CUBN: variants seen among roughly 807,000 people sequenced by gnomAD.
CUBN encodes the protein 460 kDa receptor.
In CUBN, 282 loss-of-function variants were observed where a neutral mutation model predicts 405.3. The observed-to-expected ratio is 0.70, with a 90% CI of 0.63 to 0.77. CUBN has a LOEUF of 0.77. Among genes scored for constraint, CUBN ranks in the 30% least tolerant of loss-of-function variants. The pLI, the probability that CUBN is intolerant of heterozygous loss-of-function variation, is 0.00. For synonymous variants in CUBN, 1,684 were observed against 1,617.0 expected, an observed-to-expected ratio of 1.04 and a Z score of -0.99; for missense variants, 4,514 against 4,475.2, an observed-to-expected ratio of 1.01 and a Z score of -0.25.
chr10:17,065,938 T>C (rs989582213), intron 21 of CUBN, among the ~76,000 whole-genome samples: 1 of 152,148 alleles, frequency 6.6e-6, no homozygotes, highest in Admixed American at 6.6e-5. Flanking sequence ...CACTTTTTAA[T>C]AGAAATGTAA....
chr10:17,048,211 C>A (rs1835183513), intron 22 of CUBN, among the ~76,000 whole-genome samples: 1 of 152,240 alleles, frequency 6.6e-6, no homozygotes, highest in Non-Finnish European at 1.5e-5. Flanking sequence ...AAAGATAATG[C>A]ATTACAAGGG....
rs34953406 is a variant in CUBN, at chr10:17,108,381, A to ATGTG, written c.1111+1255_1111+1258dup. On this transcript the variant is annotated intron_variant, in intron 10 of 66. Transcript: ENST00000377833. ...TTAATAAGCATTTAGTCACAAGTAT[A>ATGTG]TGTGTGTGTGTGTGTGTGTGTGTGT... Among the ~76,000 whole-genome samples the ATGTG allele has an allele frequency of 2.3e-4, 34 of 150,984 alleles. 1 individual carries two copies. The Middle Eastern group carries it at 0.02, about 91-fold the overall frequency.
At chr10:16,895,660 T>C (rs79801018) in intron 54 of CUBN, among the ~76,000 whole-genome samples, 15,778 of 152,204 alleles carry the variant, frequency 0.1, 839 homozygotes, top group Middle Eastern at 0.14. Flanking sequence ...TCTTTTTCTG[T>C]TGTAATTTTC....
intron 60 of CUBN, 25 bp from the exon 61 acceptor site, chr10:16,841,072 T>C (rs1229454792): frequency 1.9e-6 from 3 of 1,612,096 alleles, no homozygotes; most frequent in Non-Finnish European, 2.5e-6. Flanking sequence ...AATTCATTAC[T>C]TCTCCATTAC....
chr10:16,995,086 G>A (rs186101112), intron 28 of CUBN, among the ~76,000 whole-genome samples: 16 of 152,202 alleles, frequency 1.1e-4, no homozygotes, highest in East Asian at 3.9e-4. Flanking sequence ...GCAAGACCCC[G>A]TCTCAAAAAT....
intron 28 of CUBN, among the ~76,000 whole-genome samples, chr10:17,009,709 G>C (rs1300320904): frequency 6.6e-6 from 1 of 152,164 alleles, no homozygotes; most frequent in Non-Finnish European, 1.5e-5. Flanking sequence ...CTGGATATTG[G>C]AACCCAGGCA....
At chr10:16,836,470 G>T in intron 62 of CUBN, 88 bp from the exon 63 acceptor site, 1 of 1,255,284 alleles carries the variant, frequency 8.0e-7, no homozygotes, top group Non-Finnish European at 1.2e-6. Context: ...ATAAAAGCAT[G>T]GTGTAAATAT....
At chr10:17,024,471 G>C (rs982675714) in intron 27 of CUBN, among the ~76,000 whole-genome samples, 1 of 152,076 alleles carries the variant, frequency 6.6e-6, no homozygotes, top group Non-Finnish European at 1.5e-5. Context: ...TTATATATAT[G>C]AGCTTGGGAT....
intron 29 of CUBN, among the ~76,000 whole-genome samples, chr10:16,988,453 T>C (rs1833490723): frequency 1.3e-5 from 2 of 152,222 alleles, no homozygotes; most frequent in Admixed American, 6.5e-5. Context: ...TTTCCAGTTC[T>C]ATCTGATTTC....
chr10:16,891,551 T>G lies in CUBN; in HGVS notation c.8599-1024A>C, dbSNP rs534318106. The stretch of plus-strand genomic sequence containing the variant: ...AGCAAGGAGCCACCAAGAAGATTGG[T>G]TTTTGGAAAACATTACAATTCGGAA... On this transcript the variant is annotated intron_variant, in intron 54 of 66. Transcript: ENST00000377833. Among the ~76,000 whole-genome samples, 162 of 152,046 alleles carry G rather than the reference T, an allele frequency of 1.1e-3. 2 individuals carry two copies. The highest frequency in any genetic ancestry group is 3.7e-3 in the African/African-American group (155 of 41,434).
rs114959572 is a variant in CUBN at position 16,938,509 on chromosome 10, A to G, written c.5733+454T>C. ...TCATGACCAAGAATCCAAGATGAAT[A>G]AGGTGGGGTCATAGCCTGTAAGCAT... On this transcript the variant is annotated intron_variant, in intron 38 of 66. Transcript: ENST00000377833. 2.8e-3 allele frequency among the ~76,000 whole-genome samples: 427 copies of G among 152,332 alleles called. 1 individual carries two copies. The highest frequency in any genetic ancestry group is 0.01 in the African/African-American group (420 of 41,586).
chr10:16,916,080 A>G (rs994748533), intron 45 of CUBN, 50 bp from the exon 46 acceptor site: 1 of 1,569,460 alleles, frequency 6.4e-7, no homozygotes, highest in Non-Finnish European at 8.7e-7. Flanking sequence ...GCAAGCAAGA[A>G]AGATTGATTC....
chr10:17,111,302 T>C (rs1291104123), intron 8 of CUBN, among the ~76,000 whole-genome samples: 1 of 152,210 alleles, frequency 6.6e-6, no homozygotes, highest in African/African-American at 2.4e-5. Flanking sequence ...GAAAGAGCTC[T>C]GGCAGTATTC....
chr10:16,865,664 A>G (rs906927868), intron 59 of CUBN, among the ~76,000 whole-genome samples: 2 of 152,168 alleles, frequency 1.3e-5, no homozygotes, highest in Non-Finnish European at 2.9e-5. Context: ...AATCAGCAGG[A>G]TCCTAAAAGT....
chr10:16,942,423 C>T (rs368073526), intron 36 of CUBN, among the ~76,000 whole-genome samples: 3 of 151,984 alleles, frequency 2.0e-5, no homozygotes, highest in South Asian at 2.1e-4. Context: ...GAAAACAAAC[C>T]GAATACACAT....
At chr10:16,834,219 C>T (rs1333830133) in intron 64 of CUBN, among the ~76,000 whole-genome samples, 1 of 152,168 alleles carries the variant, frequency 6.6e-6, no homozygotes, top group Non-Finnish European at 1.5e-5. Context: ...TATCTCCTGC[C>T]TATGAGCGAT....
At chr10:17,089,007 A>G (rs1836192539) in intron 14 of CUBN, among the ~76,000 whole-genome samples, 1 of 152,172 alleles carries the variant, frequency 6.6e-6, no homozygotes, top group African/African-American at 2.4e-5. Context: ...TAATACCCAC[A>G]TTTATTTAAC....
At position 16,918,729 on chromosome 10, in the gene CUBN, C is replaced by T; in HGVS notation, c.6893G>A (p.Gly2298Glu). 1 of 1,613,898 alleles carries T rather than the reference C, an allele frequency of 6.2e-7. No individual in the cohort carries two copies. Among genetic ancestry groups the T allele is most frequent in the Non-Finnish European group, 8.5e-7 (1 of 1,179,896 alleles). ...SDAPILSKFCGTSLPSSQWSS... is the reference protein window; with the variant it reads ...SDAPILSKFCETSLPSSQWSS... ...CCACTGACTGCTGGGCAAAGATGTC[C>T]CACAAAATTTGGAAAGTATTGGTGC... Residue 2298 changes from glycine (G) to glutamate (E), a missense_variant, in exon 45 of 67, where the codon GGG becomes GAG. Gly to Glu is a moderately conservative substitution (Grantham distance 98). This residue lies in a region of CUBN where 1,613 missense variants were observed against 1,542.8 expected (regional missense o/e 1.05). Transcript: ENST00000377833.
At chr10:17,120,158 C>T (rs377238557) in intron 6 of CUBN, among the ~76,000 whole-genome samples, 5 of 152,188 alleles carry the variant, frequency 3.3e-5, no homozygotes, top group African/African-American at 1.2e-4. Context: ...TCAGTGAATA[C>T]CCTGATTAAC....
Sources: allele counts gnomAD v4.1 joint callset (sites outside exome capture counted in the v4.1 genomes callset), GRCh38; gene constraint gnomAD v4.1.1; regional missense constraint gnomAD v4.1.1; transcripts MANE v1.5; gene names NCBI Gene and HGNC (gene_info 2026-07-23, HGNC 2026-07-21).